Variants in SLC2A9 observed in about 807,000 individuals in gnomAD.
SLC2A9 encodes solute carrier family 2, facilitated glucose transporter member 9.
In SLC2A9, 39 loss-of-function variants were observed where a neutral mutation model predicts 50.6. That is an observed-to-expected ratio of 0.77 (90% CI 0.60 to 1.01). SLC2A9 has a LOEUF of 1.01. SLC2A9 is among the 50% of genes least tolerant of loss of function. The probability of loss-of-function intolerance (pLI) is 0.00; values close to 1 mark genes in which losing one functional copy is unlikely to be tolerated. For synonymous variants in SLC2A9, 324 were observed against 276.9 expected (o/e 1.17, Z -1.69); for missense variants, 686 against 677.6 (o/e 1.01, Z -0.14).
At position 9,850,710 on chromosome 4, in the gene SLC2A9, C is replaced by T. The variant is rs568328677; in HGVS notation, c.1292-15702G>A. The stretch of plus-strand genomic sequence containing the variant: ...CACTGGTGCACACTCATTCGTGCCC[C>T]ACTCCCCCACCATCCCACATCGCTT... On this transcript the variant is annotated intron_variant, in intron 10 of 11. Transcript: ENST00000264784. 3.9e-5 allele frequency among the ~76,000 whole-genome samples: 6 copies of T among 152,272 alleles called. No homozygotes were observed. The South Asian group carries it at 8.3e-4, about 21-fold the overall frequency.
chr4:9,819,348 T>C (rs1188442513), intron 3 of SLC2A9, among the ~76,000 whole-genome samples: 1 of 152,202 alleles, frequency 6.6e-6, no homozygotes, highest in Non-Finnish European at 1.5e-5. Context: ...CACTTGGTAC[T>C]ATGAGGATTT....
intron 5 of SLC2A9, among the ~76,000 whole-genome samples, chr4:9,948,034 G>A (rs1749514823): frequency 6.6e-6 from 1 of 151,864 alleles, no homozygotes; most frequent in African/African-American, 2.4e-5. Context: ...ACAAATTCTG[G>A]GTACATTTTA....
chr4:9,872,066 G>A (rs905221046), intron 10 of SLC2A9, among the ~76,000 whole-genome samples: 3 of 152,162 alleles, frequency 2.0e-5, no homozygotes, highest in Non-Finnish European at 2.9e-5. Context: ...CTCATCCAGG[G>A]ACCCGGGTGG....
intron 8 of SLC2A9, among the ~76,000 whole-genome samples, chr4:9,904,365 C>A (rs1740240593): frequency 6.6e-6 from 1 of 152,192 alleles, no homozygotes; most frequent in Admixed American, 6.5e-5. Context: ...CCCTTCCTCA[C>A]CTTCAAAGCT....
chr4:9,796,734 G>A (rs1012946909), downstream of SLC2A9, among the ~76,000 whole-genome samples: 2 of 152,210 alleles, frequency 1.3e-5, no homozygotes, highest in African/African-American at 4.8e-5. Context: ...GATCTGGGTG[G>A]TGAATTGGCT....
At chr4:9,794,746 T>C (rs796348350), downstream of SLC2A9, among the ~76,000 whole-genome samples, 2 of 152,202 alleles carry the variant, frequency 1.3e-5, no homozygotes, top group African/African-American at 2.4e-5. Flanking sequence ...GTTCTCATCA[T>C]GGTCTCTGCT....
intron 7 of SLC2A9, among the ~76,000 whole-genome samples, chr4:9,919,505 C>A (rs986023621): frequency 2.0e-5 from 3 of 152,130 alleles, no homozygotes; most frequent in Non-Finnish European, 4.4e-5. Context: ...CCTCCCTGCC[C>A]GCCTTGGGGG....
intron 3 of SLC2A9, among the ~76,000 whole-genome samples, chr4:9,989,871 C>G (rs1025219739): frequency 6.6e-6 from 1 of 151,968 alleles, no homozygotes; most frequent in Non-Finnish European, 1.5e-5. Context: ...GCACCTGCTG[C>G]CTCCTCTGCT....
At chr4:9,998,732 G>C (rs78002041) in intron 2 of SLC2A9, among the ~76,000 whole-genome samples, 2 of 152,196 alleles carry the variant, frequency 1.3e-5, no homozygotes, top group Admixed American at 6.5e-5. Flanking sequence ...AATAACTCCA[G>C]ACGAGAAACA....
At chr4:9,797,444 G>C (rs1377676805), downstream of SLC2A9, among the ~76,000 whole-genome samples, 1 of 152,178 alleles carries the variant, frequency 6.6e-6, no homozygotes, top group African/African-American at 2.4e-5. Context: ...AGAGGTATTA[G>C]AACTGAGATG....
intron 10 of SLC2A9, among the ~76,000 whole-genome samples, chr4:9,883,628 G>A (rs1326678090): frequency 1.3e-5 from 2 of 152,210 alleles, no homozygotes; most frequent in East Asian, 3.8e-4. Context: ...GTGCGGCAAG[G>A]ACTGGGCAAA....
chr4:9,941,834 T>A, intron 6 of SLC2A9, 79 bp downstream of exon 6: 1 of 1,596,990 alleles, frequency 6.3e-7, no homozygotes, highest in Non-Finnish European at 8.6e-7. Flanking sequence ...CCTGTGCCCA[T>A]TGGCCCAGGT....
upstream of SLC2A9, among the ~76,000 whole-genome samples, chr4:10,022,035 C>T (rs139376229): frequency 4.0e-3 from 608 of 152,224 alleles, 4 homozygotes; most frequent in African/African-American, 0.014. Flanking sequence ...GACTGTGTTT[C>T]ACCATGTTGG....
At chr4:9,811,713 G>C (rs1344428310) in intron 3 of SLC2A9, among the ~76,000 whole-genome samples, 1 of 152,158 alleles carries the variant, frequency 6.6e-6, no homozygotes, top group Non-Finnish European at 1.5e-5. Flanking sequence ...GGAAAGAAAA[G>C]GTTGTTTTTT....
chr4:10,001,055 A>C (rs543494798), intron 2 of SLC2A9, among the ~76,000 whole-genome samples: 1 of 152,272 alleles, frequency 6.6e-6, no homozygotes, highest in Non-Finnish European at 1.5e-5. Flanking sequence ...CATTGCAGAT[A>C]TAATTAATTA....
chr4:10,034,699 C>T (rs1477889800), intron 1 of SLC2A9: 1 of 152,232 alleles, frequency 6.6e-6, no homozygotes, highest in Non-Finnish European at 1.5e-5. Context: ...GCCAGCCTCA[C>T]AGGAGTGTTA....
chr4:9,843,598 G>A (rs1408049232), intron 10 of SLC2A9, among the ~76,000 whole-genome samples: 1 of 152,136 alleles, frequency 6.6e-6, no homozygotes, highest in African/African-American at 2.4e-5. Context: ...GGCTCTATGT[G>A]ACCTTGGGCA....
chr4:9,994,444 A>G (rs1368287290), intron 3 of SLC2A9, among the ~76,000 whole-genome samples: 1 of 152,200 alleles, frequency 6.6e-6, no homozygotes. Flanking sequence ...TGCTTGGGGC[A>G]TAACAACCAA....
intron 10 of SLC2A9, among the ~76,000 whole-genome samples, chr4:9,866,726 C>G (rs1305261128): frequency 6.6e-6 from 1 of 152,196 alleles, no homozygotes; most frequent in Non-Finnish European, 1.5e-5. Context: ...CTTGGACGTA[C>G]TCCCCATCCA....
Sources: allele counts gnomAD v4.1 joint callset (sites outside exome capture counted in the v4.1 genomes callset), GRCh38; gene constraint gnomAD v4.1.1; transcripts MANE v1.5; gene names NCBI Gene and HGNC (gene_info 2026-07-23, HGNC 2026-07-21).